Variants in CPVL observed in about 807,000 individuals in gnomAD.
The protein encoded by CPVL is probable serine carboxypeptidase CPVL.
A neutral mutation model predicts 63.7 loss-of-function variants in CPVL; 51 were observed. That is an observed-to-expected ratio of 0.80 (90% CI 0.64 to 1.01). The LOEUF is 1.01. Ranked by LOEUF, CPVL falls within the 50% of genes least tolerant of loss-of-function variation. CPVL has a pLI of 0.00. For missense variants in CPVL, 530 were observed against 573.1 expected (o/e 0.92, Z 0.77); for synonymous variants, 195 against 206.0 (o/e 0.95, Z 0.46).
chr7:29,099,893 T>C (rs1338209479), intron 3 of CPVL, among the ~76,000 whole-genome samples: 1 of 152,188 alleles, frequency 6.6e-6, no homozygotes. Flanking sequence ...ATGACCATAA[T>C]GCCTGCCTCA....
chr7:29,085,827 C>T (rs1469388277), intron 7 of CPVL, among the ~76,000 whole-genome samples: 1 of 152,168 alleles, frequency 6.6e-6, no homozygotes, highest in African/African-American at 2.4e-5. Flanking sequence ...AACCTAAGCA[C>T]TGAGGAAAAA....
chr7:29,111,031 C>G (rs1788175583), intron 3 of CPVL, among the ~76,000 whole-genome samples: 1 of 152,238 alleles, frequency 6.6e-6, no homozygotes, highest in Non-Finnish European at 1.5e-5. Context: ...AGTACCACAA[C>G]CCTACTGGTC....
chr7:29,103,571 A>G (rs1334786271), intron 3 of CPVL, among the ~76,000 whole-genome samples: 3 of 152,130 alleles, frequency 2.0e-5, no homozygotes, highest in East Asian at 1.9e-4. Context: ...GTGTTTTATA[A>G]GAGGACTTTA....
intron 3 of CPVL, among the ~76,000 whole-genome samples, chr7:29,099,831 T>C (rs561922250): frequency 6.6e-6 from 1 of 152,340 alleles, no homozygotes; most frequent in South Asian, 2.1e-4. Context: ...GTGGTTCCAG[T>C]TGGCCACATA....
chr7:29,145,292 A>T (rs1304159970), intron 1 of CPVL, among the ~76,000 whole-genome samples: 1 of 152,050 alleles, frequency 6.6e-6, no homozygotes, highest in Non-Finnish European at 1.5e-5. Context: ...TGAGTTGTAC[A>T]TTTAGCCGGG....
chr7:28,996,933 G>T (rs1434708004), intron 12 of CPVL, among the ~76,000 whole-genome samples: 3 of 152,188 alleles, frequency 2.0e-5, no homozygotes, highest in Non-Finnish European at 4.4e-5. Flanking sequence ...AAATGCGCTA[G>T]TCTTAAGTGT....
intron 12 of CPVL, among the ~76,000 whole-genome samples, chr7:29,024,341 T>C (rs1290041989): frequency 6.6e-6 from 1 of 152,184 alleles, no homozygotes; most frequent in African/African-American, 2.4e-5. Context: ...ACATGACATA[T>C]GGAACACCAT....
intron 12 of CPVL, among the ~76,000 whole-genome samples, chr7:29,025,011 G>T (rs1311919659): frequency 1.3e-5 from 2 of 152,098 alleles, no homozygotes; most frequent in Admixed American, 6.5e-5. Flanking sequence ...ACGGAACAAA[G>T]GATATATAAA....
At chr7:29,152,967 A>G (rs766654727) in intron 5 of CPVL, among the ~76,000 whole-genome samples, 1 of 152,218 alleles carries the variant, frequency 6.6e-6, no homozygotes, top group Non-Finnish European at 1.5e-5. Context: ...GTCATCCTCT[A>G]TCTGAGGGGT....
At position 29,080,557 on chromosome 7, in the gene CPVL, CAAAAAAAAAAAA is replaced by C. The variant is rs138264408; in HGVS notation, c.609+5915_609+5926del. Among the ~76,000 whole-genome samples, 89 of 103,204 alleles carry C rather than the reference CAAAAAAAAAAAA, an allele frequency of 8.6e-4. 1 individual carries two copies. Among genetic ancestry groups the C allele is most frequent in the African/African-American group, 3.2e-3 (85 of 26,624 alleles). The allele number at this position is 103,204 out of a possible 152,430, so 67.7% of individuals were successfully genotyped here. On this transcript the variant is annotated intron_variant, in intron 7 of 12. Transcript: ENST00000265394. ...TAGGCATCAGAGTGACACTTTGTCT[CAAAAAAAAAAAA>C]AAAAAAAAGTAGGTGAAAAGATGCA...
chr7:29,135,878 A>G (rs1791169091), intron 1 of CPVL, among the ~76,000 whole-genome samples: 1 of 151,948 alleles, frequency 6.6e-6, no homozygotes, highest in South Asian at 2.1e-4. Context: ...TTTGATTTTT[A>G]TTTTTAATTT....
chr7:29,036,688 C>G (rs317755), intron 11 of CPVL, among the ~76,000 whole-genome samples: 1 of 152,142 alleles, frequency 6.6e-6, no homozygotes, highest in East Asian at 1.9e-4. Context: ...AATTCTGAAG[C>G]CTGGAATTCA....
chr7:29,083,570 G>T (rs1182760154), intron 7 of CPVL, among the ~76,000 whole-genome samples: 4 of 152,212 alleles, frequency 2.6e-5, no homozygotes, highest in African/African-American at 9.6e-5. Context: ...GGGATGGATG[G>T]AGAAGCAGGA....
intron 12 of CPVL, among the ~76,000 whole-genome samples, chr7:29,003,705 A>G (rs995585546): frequency 6.6e-6 from 1 of 152,200 alleles, no homozygotes; most frequent in Non-Finnish European, 1.5e-5. Context: ...CCTTTCTGAC[A>G]CCAGGGACCA....
intron 5 of CPVL, among the ~76,000 whole-genome samples, chr7:29,170,011 G>A (rs1796405159): frequency 6.6e-6 from 1 of 151,886 alleles, no homozygotes; most frequent in Non-Finnish European, 1.5e-5. Flanking sequence ...TAAAGCACTG[G>A]AGTTACAGGT....
intron 12 of CPVL, among the ~76,000 whole-genome samples, chr7:29,022,712 C>T (rs1442317136): frequency 6.6e-6 from 1 of 152,236 alleles, no homozygotes; most frequent in East Asian, 1.9e-4. Context: ...CCTTTGTATG[C>T]ACACACCATT....
intron 11 of CPVL, among the ~76,000 whole-genome samples, chr7:29,041,469 T>C (rs1789085067): frequency 1.3e-5 from 2 of 152,164 alleles, no homozygotes; most frequent in Non-Finnish European, 2.9e-5. Context: ...TACCCCTGCC[T>C]GTCAGAAGGT....
chr7:29,050,406 C>CA (rs35470901), intron 11 of CPVL, among the ~76,000 whole-genome samples: 81 of 148,360 alleles, frequency 5.5e-4, no homozygotes, highest in East Asian at 1.4e-3. Context: ...ACGATAGCTG[C>CA]AAAAAAAAAA....
intron 12 of CPVL, among the ~76,000 whole-genome samples, chr7:29,016,809 C>T (rs376199120): frequency 3.0e-4 from 46 of 152,288 alleles, no homozygotes; most frequent in African/African-American, 9.9e-4. Flanking sequence ...GGGAATCAGT[C>T]CTCACAGCTT....
Sources: gnomAD v4.1 joint callset for allele counts (sites outside exome capture counted in the v4.1 genomes callset) on GRCh38, gnomAD v4.1.1 for gene constraint, MANE v1.5 for transcripts, NCBI Gene and HGNC (gene_info 2026-07-23, HGNC 2026-07-21) for gene names.